The following NBEA variants were observed in gnomAD, a reference collection of about 807,000 sequenced individuals.
NBEA encodes the protein neurobeachin.
A neutral mutation model predicts 343.4 loss-of-function variants in NBEA; 44 were observed. That is an observed-to-expected ratio of 0.13 (90% confidence interval 0.10 to 0.16). NBEA has a LOEUF of 0.16. Among genes scored for constraint, NBEA ranks in the 10% least tolerant of loss-of-function variants. The pLI is 1.00. For synonymous variants in NBEA, 1,175 were observed against 1,238.7 expected (o/e 0.95, Z 1.08); for missense variants, 2,555 against 3,631.3 (o/e 0.70, Z 7.62).
chr13:35,376,741 T>C (rs1380365946), intron 38 of NBEA, among the ~76,000 whole-genome samples: 1 of 152,066 alleles, frequency 6.6e-6, no homozygotes, highest in Non-Finnish European at 1.5e-5. Context: ...AGGAGGTGGT[T>C]AGACTGTTGA....
At chr13:35,436,414 A>C (rs1199807432) in intron 39 of NBEA, among the ~76,000 whole-genome samples, 1 of 152,232 alleles carries the variant, frequency 6.6e-6, no homozygotes, top group Non-Finnish European at 1.5e-5. Context: ...CCCTGTTGTT[A>C]AATTCTACTG....
intron 31 of NBEA, among the ~76,000 whole-genome samples, chr13:35,208,062 A>G (rs1448096727): frequency 6.6e-6 from 1 of 152,112 alleles, no homozygotes; most frequent in East Asian, 1.9e-4. Context: ...TCTACTAAAA[A>G]TACAAAAATT....
intron 52 of NBEA, among the ~76,000 whole-genome samples, chr13:35,651,078 C>T (rs921386373): frequency 8.5e-5 from 13 of 152,180 alleles, no homozygotes; most frequent in Non-Finnish European, 1.8e-4. Flanking sequence ...TCTCAGGAGA[C>T]AGCCTCTAGA....
intron 35 of NBEA, among the ~76,000 whole-genome samples, chr13:35,308,448 A>ATATATATATATATATATATG (rs1566596785): frequency 8.9e-6 from 1 of 112,628 alleles, no homozygotes; most frequent in African/African-American, 4.3e-5. Flanking sequence ...CTATATATAT[A>ATATATATATATATATATATG]TATATATATA....
At chr13:35,232,888 A>G (rs946246616) in intron 34 of NBEA, among the ~76,000 whole-genome samples, 2 of 152,098 alleles carry the variant, frequency 1.3e-5, no homozygotes, top group African/African-American at 4.8e-5. Context: ...TCCATCTATC[A>G]GGGCTGATGT....
chr13:35,672,461 G>A lies in NBEA; in HGVS notation c.*1470G>A, dbSNP rs2085650741. 6.6e-6 allele frequency: 1 copy of A among 152,560 alleles called. No individual in the cohort carries two copies. The highest frequency in any genetic ancestry group is 2.4e-5 in the African/African-American group (1 of 41,432). The allele number at this position is 152,560 out of a possible 1,614,324, so 9.5% of individuals were successfully genotyped here. ...CTGAATTCCTTCTTCACTGTTGTTT[G>A]TATTTATGAAATTCTGAAATTATGG... On this transcript the variant is annotated 3_prime_UTR_variant, in exon 59 of 59. Coordinates refer to ENST00000379939, the MANE Select transcript of NBEA (RefSeq NM_001385012.1).
At chr13:35,059,116 T>C (rs1253829160) in intron 8 of NBEA, among the ~76,000 whole-genome samples, 3 of 152,026 alleles carry the variant, frequency 2.0e-5, no homozygotes, top group African/African-American at 7.2e-5. Flanking sequence ...TAATAGATCT[T>C]ATAAAACTGT....
intron 34 of NBEA, among the ~76,000 whole-genome samples, chr13:35,241,080 T>C (rs1358164784): frequency 6.6e-6 from 1 of 151,842 alleles, no homozygotes; most frequent in Non-Finnish European, 1.5e-5. Context: ...TCAATTTTAA[T>C]AAAAATTTGA....
At chr13:35,234,783 T>G (rs988274555) in intron 34 of NBEA, among the ~76,000 whole-genome samples, 2 of 152,192 alleles carry the variant, frequency 1.3e-5, no homozygotes, top group African/African-American at 2.4e-5. Context: ...ATAGTTGAAG[T>G]TACCTAGCAT....
intron 17 of NBEA, among the ~76,000 whole-genome samples, chr13:35,131,797 T>C (rs902888422): frequency 6.6e-6 from 1 of 152,196 alleles, no homozygotes; most frequent in African/African-American, 2.4e-5. Flanking sequence ...CAAGTCTCAG[T>C]AAATTTAAAA....
At chr13:35,050,238 G>GATATT (rs1566210301) in intron 5 of NBEA, 31 bp from the exon 6 acceptor site, 1 of 1,590,686 alleles carries the variant, frequency 6.3e-7, no homozygotes, top group South Asian at 1.1e-5. Flanking sequence ...TTTATCAGAG[G>GATATT]ATATTATACT....
intron 18 of NBEA, among the ~76,000 whole-genome samples, chr13:35,148,725 T>C (rs1304755774): frequency 6.6e-6 from 1 of 152,146 alleles, no homozygotes; most frequent in Non-Finnish European, 1.5e-5. Context: ...TATCACAAAA[T>C]ATTTATCTAT....
intron 48 of NBEA, among the ~76,000 whole-genome samples, chr13:35,625,046 A>G (rs562675844): frequency 8.7e-4 from 132 of 152,322 alleles, no homozygotes; most frequent in Non-Finnish European, 1.6e-3. Context: ...GACTGGACCC[A>G]TATCTAATAT....
chr13:35,197,799 C>T (rs933583524), intron 31 of NBEA, among the ~76,000 whole-genome samples: 8 of 152,138 alleles, frequency 5.3e-5, no homozygotes, highest in African/African-American at 1.4e-4. Context: ...CGCACCTGGC[C>T]GAATTACCCT....
At chr13:35,115,859 A>C (rs368811816) in intron 13 of NBEA, among the ~76,000 whole-genome samples, 49 of 152,362 alleles carry the variant, frequency 3.2e-4, no homozygotes, top group East Asian at 1.7e-3. Flanking sequence ...TATGACAAGC[A>C]GTATTATTAT....
At chr13:35,548,116 A>G (rs542306254) in intron 41 of NBEA, among the ~76,000 whole-genome samples, 1 of 152,298 alleles carries the variant, frequency 6.6e-6, no homozygotes, top group South Asian at 2.1e-4. Flanking sequence ...TGGTCTCTTC[A>G]GTGCCCTTTC....
At chr13:35,574,895 GTGCACCACCACGCC>G (rs1409108821) in intron 45 of NBEA, among the ~76,000 whole-genome samples, 3 of 151,786 alleles carry the variant, frequency 2.0e-5, no homozygotes, top group African/African-American at 7.3e-5. Flanking sequence ...GATTAAAGGC[GTGCACCACCACGCC>G]TGGCTAATTT....
intron 17 of NBEA, among the ~76,000 whole-genome samples, chr13:35,134,765 C>T (rs1404135400): frequency 2.0e-5 from 3 of 151,782 alleles, no homozygotes; most frequent in Non-Finnish European, 2.9e-5. Context: ...AAAATAAAAA[C>T]GAACTGTTGA....
Position 35,015,849 on chromosome 13 carries a change from TGTATAACA to T in NBEA, c.295-25081_295-25074del, listed in dbSNP as rs1400808463. Among the ~76,000 whole-genome samples the T allele has an allele frequency of 3.9e-5, 6 of 152,248 alleles. No homozygotes were observed. The East Asian group carries it at 1.2e-3, about 29-fold the overall frequency. Reference sequence around the variant, plus strand: ...TACATAATAACCTCATTTAACATTATGTATAACAGTGATTCAGGTGGGCAGATTTTATT... The same window carrying T: ...TACATAATAACCTCATTTAACATTATGTGATTCAGGTGGGCAGATTTTATT... On this transcript the variant is annotated intron_variant, in intron 1 of 58. Transcript: ENST00000379939.
Sources: gnomAD v4.1 joint callset for allele counts (sites outside exome capture counted in the v4.1 genomes callset) on GRCh38, gnomAD v4.1.1 for gene constraint, MANE v1.5 for transcripts, NCBI Gene and HGNC (gene_info 2026-07-23, HGNC 2026-07-21) for gene names.